Variants in PSMD14 observed in about 807,000 individuals in gnomAD.
PSMD14 encodes the protein ubiquitin C-terminal hydrolase PSMD14.
Under a neutral mutation model 41.2 loss-of-function variants are expected in PSMD14, and 7 were observed. That is an observed-to-expected ratio of 0.17 (90% CI 0.10 to 0.32). The LOEUF (loss-of-function observed/expected upper bound fraction) is 0.32. Ranked by LOEUF, PSMD14 falls within the 10% of genes least tolerant of loss-of-function variation. The probability of loss-of-function intolerance (pLI) is 1.00; values close to 1 mark genes in which losing one functional copy is unlikely to be tolerated. For missense variants in PSMD14, 139 were observed against 375.6 expected (o/e 0.37, Z 5.21); for synonymous variants, 114 against 122.3 (o/e 0.93, Z 0.45).
intron 3 of PSMD14, among the ~76,000 whole-genome samples, chr2:161,334,412 GTGT>G (rs1396694476): frequency 6.6e-6 from 1 of 152,198 alleles, no homozygotes; most frequent in African/African-American, 2.4e-5. Context: ...TAAGGTTTGT[GTGT>G]TGTTCTCTCT....
At position 161,395,138 on chromosome 2, in the gene PSMD14, G is replaced by A; in HGVS notation, c.706G>A (p.Glu236Lys). The stretch of plus-strand genomic sequence containing the variant: ...AGGTTTGACACTTCAGGACTACAGT[G>A]AACATTGTAAACACAATGAATCAGT... ...MEGLTLQDYSEHCKHNESVVK... is the reference protein window; with the variant it reads ...MEGLTLQDYSKHCKHNESVVK... The change falls in exon 10 of 12, where the codon GAA (glutamate) becomes AAA (lysine). Residue 236 changes from glutamate to lysine, a missense_variant. By Grantham distance (56) the Glu-to-Lys change is moderately conservative (BLOSUM62 1). This residue lies in a region of PSMD14 where 80 missense variants were observed against 138.1 expected (regional missense o/e 0.58). Coordinates refer to ENST00000409682, the MANE Select transcript of PSMD14 (RefSeq NM_005805.6). 1 of 1,599,442 alleles carries A rather than the reference G, an allele frequency of 6.3e-7. No individual in the cohort carries two copies. The highest frequency in any genetic ancestry group is 8.5e-7 in the Non-Finnish European group (1 of 1,171,402).
intron 10 of PSMD14, among the ~76,000 whole-genome samples, chr2:161,406,927 C>T (rs1333637378): frequency 1.3e-5 from 2 of 151,984 alleles, no homozygotes; most frequent in African/African-American, 4.8e-5. Context: ...CCTTTTTGAC[C>T]TTCATCTTTC....
At chr2:161,317,955 G>T (rs1270973986) in intron 2 of PSMD14, among the ~76,000 whole-genome samples, 1 of 152,146 alleles carries the variant, frequency 6.6e-6, no homozygotes, top group Admixed American at 6.5e-5. Context: ...TTTAAAATTT[G>T]ATTACTTCTT....
chr2:161,339,800 A>G (rs1439232670), intron 3 of PSMD14, among the ~76,000 whole-genome samples: 2 of 152,410 alleles, frequency 1.3e-5, no homozygotes, highest in East Asian at 3.9e-4. Flanking sequence ...CCCTGAACCA[A>G]AGGTTCCAGG....
chr2:161,392,504 G>C lies in PSMD14; in HGVS notation c.645+1326G>C, dbSNP rs183612300. Among the ~76,000 whole-genome samples the C allele has an allele frequency of 1.6e-3, 246 of 152,244 alleles. 1 individual carries two copies. Among genetic ancestry groups the C allele is most frequent in the Admixed American group, 2.7e-3 (42 of 15,284 alleles). ...CATCCATTTTTAATCTAATCTATAT[G>C]CTGGGGGGGAGGATGTGCAATATAA... is the stretch of plus-strand genomic sequence containing the variant. On this transcript the variant is annotated intron_variant, in intron 9 of 11. Transcript: ENST00000409682.
At chr2:161,341,121 G>C (rs1368229599) in intron 3 of PSMD14, 3 of 1,312,720 alleles carry the variant, frequency 2.3e-6, no homozygotes, top group African/African-American at 1.6e-5. Flanking sequence ...CTCCGGCCCC[G>C]CGGGCGAGGC....
At chr2:161,342,180 A>G (rs982400787) in intron 3 of PSMD14, among the ~76,000 whole-genome samples, 1 of 152,156 alleles carries the variant, frequency 6.6e-6, no homozygotes, top group Non-Finnish European at 1.5e-5. Flanking sequence ...ATAAAATGTT[A>G]ATAGAAGTGG....
rs966988296 is a variant in PSMD14 at position 161,316,459 on chromosome 2, T to C, written c.-115T>C. ...TAGGAGAGAAAGAAAAAATAAAATA[T>C]ACTTGGGGAAGTTGTACCTGCCAGA... On this transcript the variant is annotated 5_prime_UTR_variant, in exon 2 of 12. Coordinates refer to ENST00000409682, the MANE Select transcript of PSMD14 (RefSeq NM_005805.6). The C allele has an allele frequency of 6.6e-6, 1 of 152,214 alleles. No individual in the cohort carries two copies. Among genetic ancestry groups the C allele is most frequent in the Non-Finnish European group, 1.5e-5 (1 of 68,032 alleles). 9.4% of individuals were successfully genotyped at this position (152,214 alleles called of 1,614,324 possible). A position where few individuals can be genotyped will look rare whatever the true frequency, so the allele number is the denominator to read the frequency against.
chr2:161,379,524 G>A (rs1683547580), intron 7 of PSMD14, among the ~76,000 whole-genome samples: 1 of 151,962 alleles, frequency 6.6e-6, no homozygotes, highest in South Asian at 2.1e-4. Context: ...TATGTGTCAG[G>A]TGTCTCTTGA....
rs557392862 is a variant in PSMD14 at position 161,408,753 on chromosome 2, G to A, written c.772-84G>A. ...AAAAGTTGTATGAATGAAAATTCTG[G>A]TCATCATTATTTTTGGTGATTATCC... On this transcript the variant is annotated intron_variant, in intron 10 of 11. Transcript: ENST00000409682. The A allele has an allele frequency of 3.1e-4, 304 of 973,192 alleles. 1 individual carries two copies. The highest frequency in any genetic ancestry group is 4.4e-4 in the Non-Finnish European group (286 of 649,852). 60.3% of individuals were successfully genotyped at this position (973,192 alleles called of 1,614,324 possible). A position where few individuals can be genotyped will look rare whatever the true frequency, so the allele number is the denominator to read the frequency against.
intron 3 of PSMD14, among the ~76,000 whole-genome samples, chr2:161,324,633 CTT>C (rs553134295): frequency 2.1e-4 from 28 of 131,684 alleles, no homozygotes; most frequent in Admixed American, 1.5e-4. Flanking sequence ...TTCTTTCTTT[CTT>C]TTTTTTTTTT....
chr2:161,385,445 T>G lies in PSMD14; in HGVS notation c.463-19T>G. 6.5e-7 allele frequency: 1 copy of G among 1,527,530 alleles called. No homozygotes were observed. Among genetic ancestry groups the G allele is most frequent in the Non-Finnish European group, 9.0e-7 (1 of 1,112,870 alleles). The allele number at this position is 1,527,530 out of a possible 1,614,324, so 94.6% of individuals were successfully genotyped here. On this transcript the variant is annotated intron_variant, in intron 7 of 11. Transcript: ENST00000409682. The stretch of plus-strand genomic sequence containing the variant: ...CTTGCTTTTTAAAAAAAAATTGACT[T>G]GACACCTTGTTTTTACAGGTTGTTA...
chr2:161,335,277 A>C (rs929722330), intron 3 of PSMD14, among the ~76,000 whole-genome samples: 1 of 152,182 alleles, frequency 6.6e-6, no homozygotes, highest in Non-Finnish European at 1.5e-5. Flanking sequence ...TCCAAAGATA[A>C]TTCTATGTTA....
chr2:161,407,302 A>C (rs1305688882), intron 10 of PSMD14, among the ~76,000 whole-genome samples: 1 of 152,170 alleles, frequency 6.6e-6, no homozygotes, highest in East Asian at 1.9e-4. Flanking sequence ...AACTGAAAAT[A>C]ATAGAGTGAC....
At chr2:161,324,129 A>G (rs1471487092) in intron 3 of PSMD14, among the ~76,000 whole-genome samples, 1 of 152,238 alleles carries the variant, frequency 6.6e-6, no homozygotes, top group Non-Finnish European at 1.5e-5. Context: ...TGTCAGTGGC[A>G]TTTAGTAACT....
chr2:161,336,692 C>CGA (rs1682876346), intron 3 of PSMD14, among the ~76,000 whole-genome samples: 1 of 152,152 alleles, frequency 6.6e-6, no homozygotes, highest in Non-Finnish European at 1.5e-5. Flanking sequence ...TCTCCTGCCT[C>CGA]AGCCTCCTGA....
intron 3 of PSMD14, among the ~76,000 whole-genome samples, chr2:161,355,916 G>T (rs566820289): frequency 2.6e-5 from 4 of 152,284 alleles, no homozygotes; most frequent in Non-Finnish European, 5.9e-5. Context: ...CTTCTTTTCA[G>T]TGTTAAAATA....
intron 3 of PSMD14, among the ~76,000 whole-genome samples, chr2:161,328,524 G>A (rs1682736739): frequency 6.6e-6 from 1 of 152,060 alleles, no homozygotes; most frequent in African/African-American, 2.4e-5. Flanking sequence ...AGTGATGGAA[G>A]TGTCCATATC....
intron 3 of PSMD14, among the ~76,000 whole-genome samples, chr2:161,360,635 A>G (rs1360315150): frequency 1.3e-5 from 2 of 151,938 alleles, no homozygotes. Flanking sequence ...GATTACAGGC[A>G]TGAGCTACTG....
Sources: gnomAD v4.1 joint callset for allele counts (sites outside exome capture counted in the v4.1 genomes callset) on GRCh38, gnomAD v4.1.1 for gene constraint, gnomAD v4.1.1 regional missense constraint, MANE v1.5 for transcripts, NCBI Gene and HGNC (gene_info 2026-07-23, HGNC 2026-07-21) for gene names.